The following GPM6A variants were observed in gnomAD, a reference collection of about 807,000 sequenced individuals.
GPM6A encodes the protein glycoprotein M6A.
Under a neutral mutation model 32.1 loss-of-function variants are expected in GPM6A, and 7 were observed. That is an observed-to-expected ratio of 0.22 (90% CI 0.12 to 0.41). The LOEUF (loss-of-function observed/expected upper bound fraction) is 0.41. GPM6A is among the 10% of genes least tolerant of loss of function. The pLI is 1.00. For synonymous variants in GPM6A, 130 were observed against 123.4 expected, an observed-to-expected ratio of 1.05 and a Z score of -0.35; for missense variants, 235 against 347.2, an observed-to-expected ratio of 0.68 and a Z score of 2.57.
At chr4:175,879,999 C>A (rs1737217828) in intron 1 of GPM6A, among the ~76,000 whole-genome samples, 1 of 151,930 alleles carries the variant, frequency 6.6e-6, no homozygotes, top group African/African-American at 2.4e-5. Flanking sequence ...AGGTTTTCTT[C>A]TAGGGATTTT....
intron 1 of GPM6A, among the ~76,000 whole-genome samples, chr4:175,938,487 A>G (rs1199325796): frequency 6.6e-6 from 1 of 151,986 alleles, no homozygotes; most frequent in Non-Finnish European, 1.5e-5. Context: ...TTTGATTTGC[A>G]TTTCTCTAAT....
chr4:175,824,867 G>A (rs1290506734), intron 1 of GPM6A, among the ~76,000 whole-genome samples: 4 of 152,034 alleles, frequency 2.6e-5, no homozygotes, highest in East Asian at 3.9e-4. Flanking sequence ...ACAACTACGA[G>A]GAAGCAAAAT....
chr4:175,634,878 A>C lies in GPM6A; in HGVS notation c.*27T>G. ...CCTTAGTTAAACACCAATGCATTCA[A>C]ATGGTAGAAAGAACAGGAAGATGCA... On this transcript the variant is annotated 3_prime_UTR_variant, in exon 7 of 7. Coordinates refer to ENST00000393658, the MANE Select transcript of GPM6A (RefSeq NM_201591.3). 6.2e-7 allele frequency: 1 copy of C among 1,603,496 alleles called. No homozygotes were observed. Among genetic ancestry groups the C allele is most frequent in the Middle Eastern group, 1.7e-4 (1 of 6,026 alleles).
At chr4:175,827,647 G>A (rs759563837) in intron 1 of GPM6A, among the ~76,000 whole-genome samples, 71 of 152,054 alleles carry the variant, frequency 4.7e-4, no homozygotes, top group Non-Finnish European at 9.3e-4. Flanking sequence ...ACAAGCCTTC[G>A]GGCCATTCTC....
At chr4:175,973,342 A>C (rs1740563353) in intron 1 of GPM6A, among the ~76,000 whole-genome samples, 1 of 152,248 alleles carries the variant, frequency 6.6e-6, no homozygotes, top group Non-Finnish European at 1.5e-5. Context: ...TGAACTTCAC[A>C]AAGCTTTAGA....
chr4:175,664,685 A>G (rs1413960168), intron 3 of GPM6A, among the ~76,000 whole-genome samples: 1 of 152,068 alleles, frequency 6.6e-6, no homozygotes, highest in Non-Finnish European at 1.5e-5. Flanking sequence ...TCCTCTATGT[A>G]TTTCATTCTA....
chr4:175,893,688 C>T (rs911479383), intron 1 of GPM6A, among the ~76,000 whole-genome samples: 1 of 152,110 alleles, frequency 6.6e-6, no homozygotes, highest in Admixed American at 6.6e-5. Context: ...GATAACTAAC[C>T]TCATTCGTTT....
chr4:175,855,259 T>C (rs1033826195), intron 1 of GPM6A, among the ~76,000 whole-genome samples: 2 of 152,048 alleles, frequency 1.3e-5, no homozygotes, highest in Non-Finnish European at 2.9e-5. Context: ...CTAAATATGA[T>C]AGTTAGCAGG....
chr4:175,648,137 C>T (rs1449225371), intron 4 of GPM6A, among the ~76,000 whole-genome samples: 1 of 151,080 alleles, frequency 6.6e-6, no homozygotes, highest in Non-Finnish European at 1.5e-5. Flanking sequence ...AAAAGACAAT[C>T]AGAGGTATGA....
intron 4 of GPM6A, among the ~76,000 whole-genome samples, chr4:175,647,868 C>T (rs1214609429): frequency 6.6e-6 from 1 of 151,964 alleles, no homozygotes; most frequent in Non-Finnish European, 1.5e-5. Flanking sequence ...ATCTGGAGGG[C>T]AAATAAATGC....
At chr4:175,899,938 A>C (rs1428549172) in intron 1 of GPM6A, among the ~76,000 whole-genome samples, 5 of 152,130 alleles carry the variant, frequency 3.3e-5, no homozygotes, top group Non-Finnish European at 7.4e-5. Flanking sequence ...AGAAAACCCA[A>C]AGAATGGGAG....
intron 1 of GPM6A, among the ~76,000 whole-genome samples, chr4:175,987,695 G>A (rs1232446024): frequency 6.6e-6 from 1 of 152,038 alleles, no homozygotes; most frequent in Non-Finnish European, 1.5e-5. Context: ...TAAACTTAGG[G>A]ATAATAGATC....
chr4:175,908,026 T>G (rs6851453), intron 1 of GPM6A, among the ~76,000 whole-genome samples: 149,930 of 152,232 alleles, frequency 0.98, 73,875 homozygotes, highest in Non-Finnish European at 1. Flanking sequence ...AAGCAGGGAA[T>G]AAGTGAATGT....
intron 2 of GPM6A, among the ~76,000 whole-genome samples, chr4:175,689,539 A>T (rs1402483910): frequency 6.6e-6 from 1 of 151,756 alleles, no homozygotes; most frequent in African/African-American, 2.4e-5. Flanking sequence ...TTATGAGCTG[A>T]TGTGATATTT....
At chr4:175,968,806 G>A (rs1337740971) in intron 1 of GPM6A, among the ~76,000 whole-genome samples, 1 of 152,154 alleles carries the variant, frequency 6.6e-6, no homozygotes, top group Non-Finnish European at 1.5e-5. Flanking sequence ...AGAGAAATAG[G>A]AGTTCTCATT....
intron 1 of GPM6A, chr4:175,891,799 A>C (rs921147849): frequency 2.0e-5 from 3 of 152,248 alleles, no homozygotes; most frequent in Non-Finnish European, 4.4e-5. Flanking sequence ...GGAATAGCAG[A>C]ATCAGAGACT....
intron 1 of GPM6A, among the ~76,000 whole-genome samples, chr4:175,913,352 A>G (rs1738382667): frequency 6.6e-6 from 1 of 152,204 alleles, no homozygotes; most frequent in Non-Finnish European, 1.5e-5. Flanking sequence ...GAATGCATCT[A>G]TGTAAAGACA....
intron 1 of GPM6A, among the ~76,000 whole-genome samples, chr4:175,887,258 T>C (rs913046878): frequency 1.4e-4 from 22 of 151,920 alleles, no homozygotes; most frequent in South Asian, 4.1e-4. Context: ...AAAATGCAGG[T>C]AAATAAGGAA....
At chr4:175,767,097 C>T (rs1403509912) in intron 1 of GPM6A, among the ~76,000 whole-genome samples, 23 of 152,158 alleles carry the variant, frequency 1.5e-4, no homozygotes, top group Admixed American at 1.5e-3. Flanking sequence ...TCTTTCACTT[C>T]TTCCATTTTA....
Sources: allele counts gnomAD v4.1 joint callset (sites outside exome capture counted in the v4.1 genomes callset), GRCh38; gene constraint gnomAD v4.1.1; transcripts MANE v1.5; gene names NCBI Gene and HGNC (gene_info 2026-07-23, HGNC 2026-07-21).